The following ZNF444 variants were observed in gnomAD, a reference collection of about 807,000 sequenced individuals.
The protein encoded by ZNF444 is endothelial zinc finger protein 2.
Under a neutral mutation model 14.4 loss-of-function variants are expected in ZNF444, and 8 were observed. The observed-to-expected ratio is 0.56, with a 90% CI of 0.33 to 1.00. The LOEUF (loss-of-function observed/expected upper bound fraction) is 1.00, where lower values mean the gene tolerates loss of function less well. Ranked by LOEUF, ZNF444 falls within the 50% of genes least tolerant of loss-of-function variation. The probability of loss-of-function intolerance (pLI) is 0.03; values close to 1 mark genes in which losing one functional copy is unlikely to be tolerated. For missense variants in ZNF444, 510 were observed against 504.8 expected (o/e 1.01, Z -0.10); for synonymous variants, 258 against 235.9 (o/e 1.09, Z -0.86).
Position 56,159,512 on chromosome 19 carries a change from C to G in ZNF444, c.407-112C>G, listed in dbSNP as rs536053167. 2.4e-4 allele frequency: 230 copies of G among 958,864 alleles called. 2 individuals carry two copies. In the African/African-American group the frequency reaches 3.0e-3, roughly 12 times the overall value. 59.4% of individuals were successfully genotyped at this position (958,864 alleles called of 1,614,324 possible). On this transcript the variant is annotated intron_variant, in intron 4 of 4. Transcript: ENST00000337080. ...GAAGCCCACAGCCCAGCCCTCTTCC[C>G]ACCCCAATGGTTTCTGCCTTTAAGC...
intron 1 of ZNF444, among the ~76,000 whole-genome samples, chr19:56,133,055 A>C (rs1397689048): frequency 7.0e-6 from 1 of 143,072 alleles, no homozygotes; most frequent in Non-Finnish European, 1.5e-5. Context: ...CTTCTGCCTC[A>C]GCCTCCCAAG....
Position 56,147,172 on chromosome 19 carries a change from C to T in ZNF444, c.261C>T (p.Ser87=). Residue 87 remains serine, a synonymous_variant, in exon 3 of 5, where the codon AGC becomes AGT. Coordinates refer to ENST00000337080, the MANE Select transcript of ZNF444 (RefSeq NM_018337.4). The surrounding 1 kb of genome is among the most constrained non-coding windows in gnomAD (Gnocchi z 5.9). ...QAWVCSRQPQ[S]GEEAVALLEE... The stretch of plus-strand genomic sequence containing the variant: ...GGGTGTGCAGCCGGCAGCCGCAGAG[C>T]GGGGAGGAGGCGGTGGCCCTGCTGG... The T allele has an allele frequency of 1.3e-6, 2 of 1,488,258 alleles. No individual in the cohort carries two copies. The highest frequency in any genetic ancestry group is 1.8e-6 in the Non-Finnish European group (2 of 1,124,406). 92.2% of individuals were successfully genotyped at this position (1,488,258 alleles called of 1,614,324 possible).
chr19:56,155,018 G>A (rs2031820558), intron 3 of ZNF444: 1 of 152,274 alleles, frequency 6.6e-6, no homozygotes, highest in African/African-American at 2.4e-5. Context: ...TCAGAGCCTT[G>A]GCTTCCTCAG....
At chr19:56,136,162 C>G (rs1568544805) in intron 1 of ZNF444, among the ~76,000 whole-genome samples, 2 of 151,958 alleles carry the variant, frequency 1.3e-5, no homozygotes, top group Admixed American at 6.6e-5. Context: ...CACGCTCACC[C>G]CCAATCCCAA....
intron 3 of ZNF444, chr19:56,156,253 C>T (rs2031897487): frequency 1.3e-5 from 2 of 152,286 alleles, no homozygotes; most frequent in South Asian, 4.1e-4. Flanking sequence ...TGCTGTCCAC[C>T]TCCACGAGTT....
intron 1 of ZNF444, among the ~76,000 whole-genome samples, chr19:56,134,147 C>CA (rs2123450602): frequency 6.6e-6 from 1 of 152,234 alleles, no homozygotes; most frequent in East Asian, 1.9e-4. Flanking sequence ...AAACCCAACC[C>CA]GAGCCTCCAG....
In ZNF444 at chr19:56,146,966, C is replaced by A; in HGVS notation, c.55C>A (p.Pro19Thr). 1 of 1,443,614 alleles carries A rather than the reference C, an allele frequency of 6.9e-7. No homozygotes were observed. The highest frequency in any genetic ancestry group is 9.0e-7 in the Non-Finnish European group (1 of 1,107,618). 89.4% of individuals were successfully genotyped at this position (1,443,614 alleles called of 1,614,324 possible). Residue 19 changes from proline (P) to threonine (T), a missense_variant, in exon 3 of 5, where the codon CCG (proline) becomes ACG (threonine). Pro to Thr is a conservative substitution (Grantham distance 38). Coordinates refer to ENST00000337080, the MANE Select transcript of ZNF444 (RefSeq NM_018337.4). The part of the protein sequence containing the change: ...QEAEGLALDS[P>T]WHRFRRFHLG... The stretch of plus-strand genomic sequence containing the variant: ...GGCCGAGGGCCTGGCGCTGGACTCC[C>A]CGTGGCACCGCTTCCGCCGCTTCCA...
In ZNF444 at chr19:56,158,496, G is replaced by A. The variant is rs1324641561; in HGVS notation, c.300G>A (p.Gly100=). Reference sequence around the variant, plus strand: ...TCAAAACTGTGCTCTCATTTCAGGGGCCAGCAGCCTCCCCCGATGGGTCGT... The same window carrying A: ...TCAAAACTGTGCTCTCATTTCAGGGACCAGCAGCCTCCCCCGATGGGTCGT... The part of the protein sequence containing the change: ...EAVALLEELW[G]PAASPDGSSA... Residue 100 remains glycine (G), a splice_region_variant and synonymous_variant, in exon 4 of 5, where the codon GGG becomes GGA. Transcript: ENST00000337080. 2.5e-6 allele frequency: 4 copies of A among 1,606,918 alleles called. No individual in the cohort carries two copies. The highest frequency in any genetic ancestry group is 1.7e-4 in the Middle Eastern group (1 of 6,024).
rs274182 is a variant in ZNF444 at position 56,144,947 on chromosome 19, G to A, written c.-196-1300G>A. On this transcript the variant is annotated intron_variant, in intron 1 of 4. Coordinates refer to ENST00000337080, the MANE Select transcript of ZNF444 (RefSeq NM_018337.4). This position sits in a 1 kb window ranked among gnomAD's most constrained non-coding sequence, Gnocchi z 4.0. ...GGTCAGGGGCCGGCAGTCTTGTCCT[G>A]TAAAGAGCCAGCGAGTGACTATCTT... Among the ~76,000 whole-genome samples the A allele has an allele frequency of 0.097, 14,734 of 152,302 alleles. 1,228 individuals are homozygous for A. The highest frequency in any genetic ancestry group is 0.42 in the East Asian group (2,149 of 5,170).
intron 3 of ZNF444, among the ~76,000 whole-genome samples, chr19:56,148,593 C>T (rs573080373): frequency 1.3e-5 from 2 of 152,260 alleles, no homozygotes; most frequent in East Asian, 1.9e-4. Context: ...ACACTCCCCC[C>T]TCTTATTGTC....
chr19:56,142,591 G>A (rs983749792), intron 1 of ZNF444, among the ~76,000 whole-genome samples: 2 of 152,216 alleles, frequency 1.3e-5, no homozygotes, highest in African/African-American at 2.4e-5. Context: ...CATTAATGTC[G>A]AGGTTGGGAA....
Position 56,158,605 on chromosome 19 carries a change from G to A in ZNF444, c.406+3G>A, listed in dbSNP as rs976729992. 1.2e-6 allele frequency: 2 copies of A among 1,604,652 alleles called. No homozygotes were observed. Among genetic ancestry groups the A allele is most frequent in the Non-Finnish European group, 1.7e-6 (2 of 1,175,510 alleles). On this transcript the variant is annotated splice_donor_region_variant and intron_variant, in intron 4 of 4. Transcript: ENST00000337080. ...GGACAGTGGGATGATTCCCTTAGGT[G>A]AGCTGCTGGCCTCTCTGGTTCTCCC... is the stretch of plus-strand genomic sequence containing the variant.
At chr19:56,159,192 TTCA>T (rs1176014602) in intron 4 of ZNF444, among the ~76,000 whole-genome samples, 5 of 150,660 alleles carry the variant, frequency 3.3e-5, no homozygotes, top group African/African-American at 7.4e-5. Context: ...CACCCATGCA[TTCA>T]TCATCTACCC....
At position 56,144,168 on chromosome 19, in the gene ZNF444, G is replaced by A. The variant is rs768085484; in HGVS notation, c.-196-2079G>A. ...TACAAAAAATATAAAAATTAGCTGGGTGTGTTGGTGCCTGCCTGTGGTCCC... is the reference window on the plus strand; with the variant it reads ...TACAAAAAATATAAAAATTAGCTGGATGTGTTGGTGCCTGCCTGTGGTCCC... On this transcript the variant is annotated intron_variant, in intron 1 of 4. Coordinates refer to ENST00000337080, the MANE Select transcript of ZNF444 (RefSeq NM_018337.4). The surrounding 1 kb of genome is among the most constrained non-coding windows in gnomAD (Gnocchi z 4.0). Among the ~76,000 whole-genome samples the A allele has an allele frequency of 2.0e-5, 3 of 152,110 alleles. No individual in the cohort carries two copies. Among genetic ancestry groups the A allele is most frequent in the African/African-American group, 7.2e-5 (3 of 41,392 alleles).
chr19:56,154,215 G>A (rs776217712), intron 3 of ZNF444: 2 of 152,228 alleles, frequency 1.3e-5, no homozygotes, highest in Non-Finnish European at 1.5e-5. Context: ...AGATCAAAAG[G>A]TGATGAAAGA....
intron 3 of ZNF444, 75 bp from the exon 4 acceptor site, chr19:56,158,419 C>T (rs994359773): frequency 4.4e-6 from 6 of 1,364,378 alleles, no homozygotes; most frequent in South Asian, 2.8e-5. Context: ...CACAGCTGGT[C>T]GACGGTGGTT....
chr19:56,140,877 C>T (rs1247939006), upstream of ZNF444: 1 of 152,326 alleles, frequency 6.6e-6, no homozygotes, highest in East Asian at 1.9e-4. Flanking sequence ...GGCTCCTCCT[C>T]CTCCTCCCTC....
At chr19:56,138,062 T>G (rs1485036144), upstream of ZNF444, among the ~76,000 whole-genome samples, 1 of 151,928 alleles carries the variant, frequency 6.6e-6, no homozygotes, top group Non-Finnish European at 1.5e-5. Flanking sequence ...AGGTGGAGGT[T>G]GCAGTGAGCT....
intron 1 of ZNF444, among the ~76,000 whole-genome samples, chr19:56,134,050 C>A (rs561270373): frequency 6.6e-6 from 1 of 152,000 alleles, no homozygotes. Context: ...CGCCATCCCC[C>A]CTTCTGCTGG....
Sources: allele counts gnomAD v4.1 joint callset (sites outside exome capture counted in the v4.1 genomes callset), GRCh38; gene constraint gnomAD v4.1.1; non-coding constraint Gnocchi (gnomAD v3.1); transcripts MANE v1.5; gene names NCBI Gene and HGNC (gene_info 2026-07-23, HGNC 2026-07-21).